Variants in ZEB2 observed in about 807,000 individuals in gnomAD.
The protein encoded by ZEB2 is zinc finger E-box-binding homeobox 2.
A neutral mutation model predicts 99.9 loss-of-function variants in ZEB2; 6 were observed. That is an observed-to-expected ratio of 0.06 (90% CI 0.03 to 0.12). The LOEUF is 0.12. Among genes scored for constraint, ZEB2 ranks in the 10% least tolerant of loss-of-function variants. The pLI is 1.00. For synonymous variants in ZEB2, 517 were observed against 542.5 expected (o/e 0.95, Z 0.65); for missense variants, 969 against 1,502.8 (o/e 0.64, Z 5.87).
intron 2 of ZEB2, among the ~76,000 whole-genome samples, chr2:144,488,628 G>A (rs1217806821): frequency 6.6e-6 from 1 of 151,090 alleles, no homozygotes; most frequent in Non-Finnish European, 1.5e-5. Flanking sequence ...CACTTTAAGT[G>A]CTATAAATAT....
intron 2 of ZEB2, among the ~76,000 whole-genome samples, chr2:144,439,715 G>A (rs898951565): frequency 6.6e-5 from 10 of 152,170 alleles, no homozygotes; most frequent in Non-Finnish European, 1.0e-4. Flanking sequence ...CAGAAAATAG[G>A]AGCCTTTTTG....
intron 4 of ZEB2, among the ~76,000 whole-genome samples, chr2:144,415,986 T>C (rs1003021354): frequency 1.3e-5 from 2 of 152,218 alleles, no homozygotes; most frequent in Non-Finnish European, 2.9e-5. Flanking sequence ...ACTTAATAGA[T>C]AGTCCATGCA....
chr2:144,439,261 G>A (rs776005543), intron 2 of ZEB2, among the ~76,000 whole-genome samples: 5 of 151,890 alleles, frequency 3.3e-5, no homozygotes, highest in Middle Eastern at 3.4e-3. Context: ...CAAATGCATG[G>A]AGACCCTACC....
intron 2 of ZEB2, among the ~76,000 whole-genome samples, chr2:144,436,397 A>G (rs1239823975): frequency 2.0e-5 from 3 of 152,242 alleles, no homozygotes; most frequent in African/African-American, 7.2e-5. Context: ...CTGATAAAAC[A>G]AAAGCAGTTC....
At chr2:144,470,924 A>G (rs1230825259) in intron 2 of ZEB2, among the ~76,000 whole-genome samples, 1 of 152,160 alleles carries the variant, frequency 6.6e-6, no homozygotes, top group African/African-American at 2.4e-5. Context: ...TTGTTCTTCA[A>G]TGAAAAATTA....
intron 1 of ZEB2, chr2:144,518,373 AGAG>A (rs1313072221): frequency 2.0e-5 from 3 of 152,298 alleles, no homozygotes; most frequent in Admixed American, 6.5e-5. Flanking sequence ...GGCAGGCAGG[AGAG>A]GAGGAGAATC....
chr2:144,384,106 T>C lies in ZEB2; in HGVS notation c.*5345A>G, dbSNP rs573540313. On this transcript the variant is annotated 3_prime_UTR_variant, in exon 10 of 10. Transcript: ENST00000627532. Reference sequence around the variant, plus strand: ...TCATTTGTCATCACTTTAATCTTCATGTATTTTTTACTCATCATTTTCTTT... The same window carrying C: ...TCATTTGTCATCACTTTAATCTTCACGTATTTTTTACTCATCATTTTCTTT... 2 of 152,366 alleles carry C rather than the reference T, an allele frequency of 1.3e-5. No homozygotes were observed. The highest frequency in any genetic ancestry group is 4.8e-5 in the African/African-American group (2 of 41,594). 9.4% of individuals were successfully genotyped at this position (152,366 alleles called of 1,614,324 possible).
chr2:144,497,624 GA>G (rs1704783504), intron 2 of ZEB2: 1 of 166,422 alleles, frequency 6.0e-6, no homozygotes, highest in African/African-American at 2.4e-5. Flanking sequence ...CAGCTTCAAA[GA>G]GGTGATGCTT....
In ZEB2 at chr2:144,401,280, T is replaced by C; in HGVS notation, c.835A>G (p.Asn279Asp). The change falls in exon 7 of 10, where the codon AAT (asparagine) becomes GAT (aspartate). Residue 279 changes from asparagine (N) to aspartate (D), a missense_variant. Transcript: ENST00000627532. ...QHQMLTQGAG[N>D]RKFKCTECGK... Reference sequence around the variant, plus strand: ...CACTCTGTGCATTTGAACTTGCGATTACCTGCTCCTTGGGTTAGCATTTGG... The same window carrying C: ...CACTCTGTGCATTTGAACTTGCGATCACCTGCTCCTTGGGTTAGCATTTGG... The C allele has an allele frequency of 6.2e-7, 1 of 1,614,156 alleles. No individual in the cohort carries two copies. The highest frequency in any genetic ancestry group is 8.5e-7 in the Non-Finnish European group (1 of 1,179,984).
At chr2:144,489,416 C>G (rs1317291935) in intron 2 of ZEB2, among the ~76,000 whole-genome samples, 1 of 152,140 alleles carries the variant, frequency 6.6e-6, no homozygotes, top group Non-Finnish European at 1.5e-5. Flanking sequence ...ACACTCCTAT[C>G]ATGAATCAGG....
At chr2:144,390,130 C>T in intron 9 of ZEB2, 102 bp from the exon 10 acceptor site, 6 of 1,209,886 alleles carry the variant, frequency 5.0e-6, no homozygotes, top group Non-Finnish European at 7.1e-6. Context: ...AGCGTGTGTA[C>T]TTATGCCTGA....
At chr2:144,460,822 T>C (rs989831822) in intron 2 of ZEB2, among the ~76,000 whole-genome samples, 2 of 152,130 alleles carry the variant, frequency 1.3e-5, no homozygotes, top group Non-Finnish European at 2.9e-5. Flanking sequence ...GAAACTGTCA[T>C]TTTGATAGAG....
intron 3 of ZEB2, chr2:144,427,976 C>T (rs2149890350): frequency 6.6e-6 from 1 of 152,214 alleles, no homozygotes; most frequent in Non-Finnish European, 1.5e-5. Flanking sequence ...AAAAAGCTGC[C>T]ACAATCACAA....
intron 2 of ZEB2, among the ~76,000 whole-genome samples, chr2:144,447,563 C>A (rs957587627): frequency 1.3e-5 from 2 of 152,140 alleles, no homozygotes; most frequent in African/African-American, 4.8e-5. Flanking sequence ...CATTTTCTCA[C>A]AACTCTAAAT....
rs35213774 is a variant in ZEB2, at chr2:144,400,291, A to G, written c.917-21T>C. 0.13 allele frequency: 200,907 copies of G among 1,601,204 alleles called. 13,584 individuals carry two copies. Among genetic ancestry groups the G allele is most frequent in the South Asian group, 0.15 (13,615 of 90,774 alleles). On this transcript the variant is annotated intron_variant, in intron 7 of 9. Transcript: ENST00000627532. ...TTCACCTAAAATGATAATTAAAATT[A>G]CCGTTACATTTCCTTGATTAGATAA... is the stretch of plus-strand genomic sequence containing the variant.
intron 3 of ZEB2, chr2:144,429,098 G>A (rs1703731543): frequency 6.6e-6 from 1 of 152,292 alleles, no homozygotes; most frequent in Admixed American, 6.5e-5. Flanking sequence ...GCACAGTGTT[G>A]TCGGAAGTTT....
At chr2:144,508,758 T>C (rs953213396) in intron 2 of ZEB2, among the ~76,000 whole-genome samples, 2 of 152,050 alleles carry the variant, frequency 1.3e-5, no homozygotes, top group African/African-American at 4.8e-5. Context: ...ATCATATCAC[T>C]GTCCGAACTG....
At chr2:144,441,973 G>A (rs2149896360) in intron 2 of ZEB2, among the ~76,000 whole-genome samples, 1 of 152,274 alleles carries the variant, frequency 6.6e-6, no homozygotes, top group Admixed American at 6.5e-5. Context: ...TACATAGTCT[G>A]CAAACACTTA....
intron 2 of ZEB2, among the ~76,000 whole-genome samples, chr2:144,486,337 G>A (rs10197024): frequency 0.15 from 22,976 of 149,620 alleles, 2,015 homozygotes; most frequent in East Asian, 0.28. Context: ...CAACGAACAT[G>A]GAGAAAGAAA....
Sources: allele counts gnomAD v4.1 joint callset (sites outside exome capture counted in the v4.1 genomes callset), GRCh38; gene constraint gnomAD v4.1.1; transcripts MANE v1.5; gene names NCBI Gene and HGNC (gene_info 2026-07-23, HGNC 2026-07-21).